KMT2A: variants seen among roughly 807,000 people sequenced by gnomAD.
KMT2A encodes the protein histone-lysine N-methyltransferase 2A.
In KMT2A, 16 loss-of-function variants were observed where a neutral mutation model predicts 345.3. That is an observed-to-expected ratio of 0.05 (90% CI 0.03 to 0.07). The LOEUF is 0.07. KMT2A is among the 10% of genes least tolerant of loss of function. KMT2A has a pLI of 1.00. For missense variants in KMT2A, 3,272 were observed against 4,841.6 expected (o/e 0.68, Z 9.62); for synonymous variants, 1,599 against 1,778.6 (o/e 0.90, Z 2.54).
At chr11:118,507,497 G>C (rs782131470) in intron 27 of KMT2A, 32 bp from the exon 28 acceptor site, 2 of 1,595,154 alleles carry the variant, frequency 1.3e-6, no homozygotes, top group South Asian at 2.2e-5. Context: ...CTGGTGGTTT[G>C]TCTTGAAAAG....
rs1949966598 is a variant in KMT2A at position 118,472,785 on chromosome 11, G to A, written c.1626G>A (p.Thr542=). ...SVSERSFGSR[T]TKKLSTLQSA... ...CGGAGAGAAGTTTTGGATCTAGAAC[G>A]ACGAAAAAATTATCAACTCTACAAA... The change falls in exon 3 of 36, where the codon ACG becomes ACA. Residue 542 remains threonine, a synonymous_variant. Coordinates refer to ENST00000534358, the MANE Select transcript of KMT2A (RefSeq NM_001197104.2). 16 of 1,613,548 alleles carry A rather than the reference G, an allele frequency of 9.9e-6. No homozygotes were observed. The highest frequency in any genetic ancestry group is 1.2e-5 in the Non-Finnish European group (14 of 1,179,950).
At chr11:118,446,626 C>T (rs1183516654) in intron 1 of KMT2A, among the ~76,000 whole-genome samples, 2 of 152,152 alleles carry the variant, frequency 1.3e-5, no homozygotes, top group Non-Finnish European at 2.9e-5. Context: ...TGTAGTGTTT[C>T]TTTCATTTGT....
At chr11:118,471,312 T>TC (rs1949938156) in intron 2 of KMT2A, among the ~76,000 whole-genome samples, 1 of 152,230 alleles carries the variant, frequency 6.6e-6, no homozygotes, top group Admixed American at 6.5e-5. Context: ...GCGAGGAAGT[T>TC]CAGATGTTTT....
chr11:118,477,113 T>A, intron 4 of KMT2A, 131 bp downstream of exon 4: 1 of 823,582 alleles, frequency 1.2e-6, no homozygotes, highest in Non-Finnish European at 1.9e-6. Context: ...GGGGATTAAA[T>A]ACATGAGGAT....
chr11:118,455,654 G>A (rs1213197239), intron 1 of KMT2A, among the ~76,000 whole-genome samples: 2 of 150,126 alleles, frequency 1.3e-5, no homozygotes, highest in Non-Finnish European at 3.0e-5. Context: ...CCCCCTCTCT[G>A]CCCCTTATTA....
At chr11:118,458,254 C>G (rs541457206) in intron 1 of KMT2A, 1 of 279,214 alleles carries the variant, frequency 3.6e-6, no homozygotes, top group South Asian at 2.9e-5. Flanking sequence ...TTAATTTTTT[C>G]TATTTTTTAT....
Position 118,521,489 on chromosome 11 carries a change from C to A in KMT2A, c.11643+72C>A. 3 of 1,533,270 alleles carry A rather than the reference C, an allele frequency of 2.0e-6. No homozygotes were observed. Among genetic ancestry groups the A allele is most frequent in the East Asian group, 2.3e-5 (1 of 43,908 alleles). 95.0% of individuals were successfully genotyped at this position (1,533,270 alleles called of 1,614,324 possible). On this transcript the variant is annotated intron_variant, in intron 35 of 35. Transcript: ENST00000534358. The surrounding 1 kb of genome is among the most constrained non-coding windows in gnomAD (Gnocchi z 5.3). ...AAAGGGACCAGTATGACCCCTGGATCACAAAAGAAATAGTGTATGTTATCA... is the reference window on the plus strand; with the variant it reads ...AAAGGGACCAGTATGACCCCTGGATAACAAAAGAAATAGTGTATGTTATCA...
intron 22 of KMT2A, 136 bp from the exon 23 acceptor site, chr11:118,499,167 C>T: frequency 3.1e-6 from 2 of 646,482 alleles, no homozygotes; most frequent in Non-Finnish European, 5.6e-6. Context: ...TTGGGAAATA[C>T]AGAAGTGTCC....
chr11:118,464,327 G>C (rs1949801435), intron 1 of KMT2A, among the ~76,000 whole-genome samples: 1 of 152,158 alleles, frequency 6.6e-6, no homozygotes, highest in Admixed American at 6.5e-5. Context: ...CCTGAGGTGA[G>C]GAGTTCGAGA....
rs138095222 is a variant in KMT2A, at chr11:118,475,181, C to T, written c.3156+866C>T. ...AACAAACAGATTAGAAGCACTTAGC[C>T]TTGAGCCATGGAACAGGAAAGCTAT... is the stretch of plus-strand genomic sequence containing the variant. On this transcript the variant is annotated intron_variant, in intron 3 of 35. Transcript: ENST00000534358. Among the ~76,000 whole-genome samples, 613 of 151,898 alleles carry T rather than the reference C, an allele frequency of 4.0e-3. 5 individuals are homozygous for T. The highest frequency in any genetic ancestry group is 0.013 in the African/African-American group (530 of 41,454).
In KMT2A at chr11:118,511,501, A is replaced by G. The variant is rs556463636; in HGVS notation, c.11072-450A>G. On this transcript the variant is annotated intron_variant, in intron 30 of 35. Coordinates refer to ENST00000534358, the MANE Select transcript of KMT2A (RefSeq NM_001197104.2). The stretch of plus-strand genomic sequence containing the variant: ...GAATCTTGGGTTAGAGCTGGAAGGA[A>G]CTGTAAGGATTTTCTAGTTCTGCCT... Among the ~76,000 whole-genome samples, 29 of 152,326 alleles carry G rather than the reference A, an allele frequency of 1.9e-4. 1 individual carries two copies. The South Asian group carries it at 6.0e-3, about 32-fold the overall frequency.
intron 1 of KMT2A, 71 bp from the exon 2 acceptor site, chr11:118,468,704 G>T: frequency 8.6e-7 from 1 of 1,160,538 alleles, no homozygotes; most frequent in South Asian, 1.2e-5. Flanking sequence ...GTCTCCTCTG[G>T]GCATTTCTTT....
chr11:118,499,230 T>G lies in KMT2A; in HGVS notation c.5962-73T>G. The G allele has an allele frequency of 1.2e-5, 11 of 943,230 alleles. No homozygotes were observed. In the South Asian group the frequency reaches 1.5e-4, roughly 13 times the overall value. The allele number at this position is 943,230 out of a possible 1,614,324, so 58.4% of individuals were successfully genotyped here. On this transcript the variant is annotated intron_variant, in intron 22 of 35. Transcript: ENST00000534358. The stretch of plus-strand genomic sequence containing the variant: ...GAGATATGCTATGTGCCTTCCACTC[T>G]GAGACAGTCAGGATCATAAGTATAA...
In KMT2A at chr11:118,453,814, T is replaced by C. The variant is rs1016893231; in HGVS notation, c.433-14961T>C. 3.3e-5 allele frequency among the ~76,000 whole-genome samples: 5 copies of C among 152,318 alleles called. No individual in the cohort carries two copies. The South Asian group carries it at 1.0e-3, about 32-fold the overall frequency. On this transcript the variant is annotated intron_variant, in intron 1 of 35. Coordinates refer to ENST00000534358, the MANE Select transcript of KMT2A (RefSeq NM_001197104.2). Reference sequence around the variant, plus strand: ...CATTTCATAGGCAAGGAAACACATATACATTGAAGCACTTGGATACCTAAT... The same window carrying C: ...CATTTCATAGGCAAGGAAACACATACACATTGAAGCACTTGGATACCTAAT...
Position 118,482,023 on chromosome 11 carries a change from C to T in KMT2A, c.3943C>T (p.Pro1315Ser). Residue 1315 changes from proline to serine, a missense_variant, in exon 7 of 36, where the codon CCA (proline) becomes TCA (serine). Pro to Ser is a moderately conservative substitution (Grantham distance 74). This residue lies in a region of KMT2A where 168 missense variants were observed against 216.0 expected (regional missense o/e 0.78). Coordinates refer to ENST00000534358, the MANE Select transcript of KMT2A (RefSeq NM_001197104.2). ...IPPQPPTTGP[P>S]RKEVPKTTPS... ...GCCTCAGCCACCTACTACAGGACCG[C>T]CAAGAAAAGAAGTTCCCAAAACCAC... The T allele has an allele frequency of 6.2e-7, 1 of 1,614,102 alleles. No individual in the cohort carries two copies. Among genetic ancestry groups the T allele is most frequent in the Non-Finnish European group, 8.5e-7 (1 of 1,179,988 alleles).
chr11:118,466,579 G>A (rs782711341), intron 1 of KMT2A, among the ~76,000 whole-genome samples: 1 of 152,188 alleles, frequency 6.6e-6, no homozygotes, highest in Non-Finnish European at 1.5e-5. Context: ...ACTTTGGGAA[G>A]CCAAGGTGGG....
At chr11:118,450,278 A>T (rs901163839) in intron 1 of KMT2A, 11 of 152,126 alleles carry the variant, frequency 7.2e-5, no homozygotes, top group Non-Finnish European at 1.3e-4. Flanking sequence ...ATAGTTTACT[A>T]TCTGAAGTAG....
chr11:118,441,211 C>G (rs144034334), intron 1 of KMT2A, among the ~76,000 whole-genome samples: 5 of 151,750 alleles, frequency 3.3e-5, no homozygotes, highest in Non-Finnish European at 7.4e-5. Context: ...ACTATGTTGC[C>G]CAGGTGCATC....
rs182196067 is a variant in KMT2A at position 118,500,377 on chromosome 11, G to A, written c.6158+464G>A. ...AGTAAGTTGTTAAAATGTCTAACAA[G>A]CTAACAATATAAGTTCAAAATTCCC... On this transcript the variant is annotated intron_variant, in intron 24 of 35. Transcript: ENST00000534358. Among the ~76,000 whole-genome samples the A allele has an allele frequency of 1.4e-3, 216 of 152,304 alleles. 1 individual carries two copies. The highest frequency in any genetic ancestry group is 4.5e-3 in the Admixed American group (69 of 15,298).
Sources: allele counts gnomAD v4.1 joint callset (sites outside exome capture counted in the v4.1 genomes callset), GRCh38; gene constraint gnomAD v4.1.1; regional missense constraint gnomAD v4.1.1; non-coding constraint Gnocchi (gnomAD v3.1); transcripts MANE v1.5; gene names NCBI Gene and HGNC (gene_info 2026-07-23, HGNC 2026-07-21).